The following COL5A3 variants were observed in gnomAD, a reference collection of about 807,000 sequenced individuals.
COL5A3 encodes collagen type V alpha 3 chain.
Under a neutral mutation model 250.0 loss-of-function variants are expected in COL5A3, and 172 were observed. That is an observed-to-expected ratio of 0.69 (90% CI 0.61 to 0.78). The LOEUF is 0.78. Ranked by LOEUF, COL5A3 falls within the 30% of genes least tolerant of loss-of-function variation. COL5A3 has a pLI of 0.00. For synonymous variants in COL5A3, 937 were observed against 900.4 expected, an observed-to-expected ratio of 1.04 and a Z score of -0.73; for missense variants, 2,340 against 2,334.4, an observed-to-expected ratio of 1.00 and a Z score of -0.05.
chr19:9,995,661 A>AGTCCCTCTTTCTTCTT, intron 15 of COL5A3, 44 bp from the exon 16 acceptor site: 2 of 1,433,980 alleles, frequency 1.4e-6, no homozygotes, highest in East Asian at 2.3e-5. Flanking sequence ...AATAAGAAGA[A>AGTCCCTCTTTCTTCTT]AGAGGGACTT....
chr19:9,988,855 A>AAAAAAAAAAAAAAGAGAGAGAGAGAAAG (rs1269531312), intron 27 of COL5A3, among the ~76,000 whole-genome samples: 1 of 104,758 alleles, frequency 9.5e-6, no homozygotes, highest in African/African-American at 4.5e-5. Flanking sequence ...AAAAAAAAAA[A>AAAAAAAAAAAAAAGAGAGAGAGAGAAAG]AAAGAAAGTA....
chr19:10,002,228 C>T lies in COL5A3; in HGVS notation c.850-347G>A, dbSNP rs865872595. Among the ~76,000 whole-genome samples the T allele has an allele frequency of 1.5e-4, 20 of 134,594 alleles. No homozygotes were observed. The East Asian group carries it at 1.8e-3, about 12-fold the overall frequency. The allele number at this position is 134,594 out of a possible 152,430, so 88.3% of individuals were successfully genotyped here. On this transcript the variant is annotated intron_variant, in intron 6 of 66. Transcript: ENST00000264828. ...CAGGCCACAGTCAGAGAGGGAGTGG[C>T]GGCTCCTTCTGGCCTGGACAGCTGC... is the stretch of plus-strand genomic sequence containing the variant.
At chr19:10,007,122 C>A (rs2087455395) in intron 1 of COL5A3, among the ~76,000 whole-genome samples, 1 of 149,434 alleles carries the variant, frequency 6.7e-6, no homozygotes, top group South Asian at 2.1e-4. Flanking sequence ...CCCCTATGAC[C>A]TCCTCCCTCT....
At chr19:10,004,382 A>G (rs1345932871) in intron 4 of COL5A3, among the ~76,000 whole-genome samples, 1 of 152,200 alleles carries the variant, frequency 6.6e-6, no homozygotes, top group Admixed American at 6.5e-5. Flanking sequence ...CCCAACCACA[A>G]GCCACATCCC....
intron 27 of COL5A3, among the ~76,000 whole-genome samples, chr19:9,988,477 G>T (rs1174826673): frequency 6.6e-6 from 1 of 152,078 alleles, no homozygotes; most frequent in African/African-American, 2.4e-5. Context: ...ATTTAGCCAG[G>T]TTGCAGCTCT....
At chr19:10,004,783 A>G (rs950127121) in intron 4 of COL5A3, among the ~76,000 whole-genome samples, 74 of 152,186 alleles carry the variant, frequency 4.9e-4, no homozygotes, top group African/African-American at 1.8e-3. Context: ...CCACACCCAG[A>G]ACACATATCA....
Position 10,010,415 on chromosome 19 carries a change from A to T in COL5A3, c.-30T>A. On this transcript the variant is annotated 5_prime_UTR_variant, in exon 1 of 67. Transcript: ENST00000264828. Reference sequence around the variant, plus strand: ...GCGGGGCCCACGGGCAAGGCGGGGAACCAGTCGGGGCGGCTGCGGGGCGCG... The same window carrying T: ...GCGGGGCCCACGGGCAAGGCGGGGATCCAGTCGGGGCGGCTGCGGGGCGCG... The T allele has an allele frequency of 2.2e-6, 3 of 1,356,718 alleles. No individual in the cohort carries two copies. In the South Asian group the frequency reaches 5.5e-5, roughly 25 times the overall value. 84.0% of individuals were successfully genotyped at this position (1,356,718 alleles called of 1,614,324 possible).
chr19:9,991,135 G>A (rs550897532), intron 24 of COL5A3, among the ~76,000 whole-genome samples: 8 of 152,272 alleles, frequency 5.3e-5, no homozygotes, highest in South Asian at 2.1e-4. Flanking sequence ...CCAGCTACTC[G>A]GGTGGATGAG....
rs1385572376 is a variant in COL5A3 at position 9,980,641 on chromosome 19, C to A, written c.2604+7G>T. On this transcript the variant is annotated splice_region_variant and intron_variant, in intron 35 of 66. Transcript: ENST00000264828. ...ATTCACACACACACACACACACACA[C>A]ACTCACCTTTTCTCCAGGGATCCCA... 1 of 1,613,194 alleles carries A rather than the reference C, an allele frequency of 6.2e-7. No homozygotes were observed. Among genetic ancestry groups the A allele is most frequent in the Admixed American group, 1.7e-5 (1 of 59,908 alleles).
chr19:9,981,048 C>T (rs1568416847), intron 33 of COL5A3, 40 bp downstream of exon 33: 2 of 1,606,412 alleles, frequency 1.2e-6, no homozygotes. Context: ...GCCCTGTCCC[C>T]AAGTCCCAGC....
intron 1 of COL5A3, 96 bp downstream of exon 1, chr19:10,010,202 T>TGCCCC: frequency 1.5e-6 from 1 of 653,186 alleles, no homozygotes; most frequent in Non-Finnish European, 2.0e-6. Flanking sequence ...CCCACGCCCT[T>TGCCCC]CCCCTCCACG....
At chr19:9,967,455 CAACATACACACA>C (rs1201224423) in intron 61 of COL5A3, 55 bp from the exon 62 acceptor site, 28 of 1,243,160 alleles carry the variant, frequency 2.3e-5, no homozygotes, top group Non-Finnish European at 2.7e-5. Context: ...CCCTTCCCAC[CAACATACACACA>C]AACACACACA....
rs141552352 is a variant in COL5A3, at chr19:9,973,047, G to T, written c.3667-21C>A. 2,160 of 1,583,000 alleles carry T rather than the reference G, an allele frequency of 1.4e-3. 4 individuals are homozygous for T. Among genetic ancestry groups the T allele is most frequent in the Non-Finnish European group, 1.7e-3 (1,991 of 1,161,196 alleles). On this transcript the variant is annotated intron_variant, in intron 50 of 66. Coordinates refer to ENST00000264828, the MANE Select transcript of COL5A3 (RefSeq NM_015719.4). ...GGCCCCTTTACAGAAAGAGGTCAGA[G>T]GTCAGAGTGGCCTGGACTCTCCAGG... is the stretch of plus-strand genomic sequence containing the variant.
At position 9,965,717 on chromosome 19, in the gene COL5A3, GTGCTGGGA is replaced by G. The variant is rs1457698001; in HGVS notation, c.4782+589_4782+596del. Among the ~76,000 whole-genome samples the G allele has an allele frequency of 6.4e-4, 95 of 147,296 alleles. 1 individual carries two copies. In the East Asian group the frequency reaches 0.018, roughly 29 times the overall value. On this transcript the variant is annotated intron_variant, in intron 64 of 66. Coordinates refer to ENST00000264828, the MANE Select transcript of COL5A3 (RefSeq NM_015719.4). ...ATCTGCCCCCGCTTGGCCTCCCAAA[GTGCTGGGA>G]TTACAGGCGTGAGCTACCACATCCA...
At chr19:9,986,238 A>G in intron 30 of COL5A3, 77 bp downstream of exon 30, 2 of 1,046,570 alleles carry the variant, frequency 1.9e-6, no homozygotes, top group Non-Finnish European at 2.8e-6. Flanking sequence ...CGAAGGTATA[A>G]TAAAAGGGCA....
In COL5A3 at chr19:9,968,190, C is replaced by A; in HGVS notation, c.4315-111G>T. 1 of 1,140,250 alleles carries A rather than the reference C, an allele frequency of 8.8e-7. No individual in the cohort carries two copies. The highest frequency in any genetic ancestry group is 1.3e-6 in the Non-Finnish European group (1 of 794,552). 70.6% of individuals were successfully genotyped at this position (1,140,250 alleles called of 1,614,324 possible). A position where few individuals can be genotyped will look rare whatever the true frequency, so the allele number is the denominator to read the frequency against. The stretch of plus-strand genomic sequence containing the variant: ...AGGAAGACCCCGAACCCTAGACAAG[C>A]CTCCAGTTCCCCCACAGAGAGACCC... On this transcript the variant is annotated intron_variant, in intron 59 of 66. Coordinates refer to ENST00000264828, the MANE Select transcript of COL5A3 (RefSeq NM_015719.4). The surrounding 1 kb of genome is among the most constrained non-coding windows in gnomAD (Gnocchi z 4.1).
Position 9,979,218 on chromosome 19 carries a change from G to T in COL5A3, c.2788C>A (p.Pro930Thr). ...GPQGKTGEVG[P>T]LGERGPPGPP... Reference sequence around the variant, plus strand: ...CCTGGAGGCCCCCTTTCACCTAGAGGTCCCACTTCTCCTGTCTTTCCCTGG... The same window carrying T: ...CCTGGAGGCCCCCTTTCACCTAGAGTTCCCACTTCTCCTGTCTTTCCCTGG... Residue 930 changes from proline (P) to threonine (T), a missense_variant, in exon 39 of 67, where the codon CCT (proline) becomes ACT (threonine). Pro to Thr is a conservative substitution (Grantham distance 38). Transcript: ENST00000264828. The T allele has an allele frequency of 6.2e-7, 1 of 1,607,630 alleles. No homozygotes were observed. Among genetic ancestry groups the T allele is most frequent in the Middle Eastern group, 1.7e-4 (1 of 6,014 alleles).
chr19:9,995,975 C>T, intron 15 of COL5A3, 91 bp downstream of exon 15: 1 of 1,249,942 alleles, frequency 8.0e-7, no homozygotes. Context: ...ATCCCCAGCC[C>T]CTTTGGCACT....
At chr19:9,979,321 C>T (rs1379495119) in intron 38 of COL5A3, 43 bp downstream of exon 38, 1 of 1,611,914 alleles carries the variant, frequency 6.2e-7, no homozygotes, top group South Asian at 1.1e-5. Flanking sequence ...AAATATCCCC[C>T]AACTGGTACA....
Sources: gnomAD v4.1 joint callset for allele counts (sites outside exome capture counted in the v4.1 genomes callset) on GRCh38, gnomAD v4.1.1 for gene constraint, Gnocchi (gnomAD v3.1) non-coding constraint, MANE v1.5 for transcripts, NCBI Gene and HGNC (gene_info 2026-07-23, HGNC 2026-07-21) for gene names.